Variants in WNT7B observed in about 807,000 individuals in gnomAD.
WNT7B encodes the protein Wnt family member 7B.
WNT7B carries 19 observed loss-of-function variants against 38.2 expected under a neutral mutation model. The ratio of observed to expected loss-of-function variants is 0.50; its 90% CI spans 0.35 to 0.73. The LOEUF is 0.73. WNT7B is among the 30% of genes least tolerant of loss of function. The probability of loss-of-function intolerance (pLI) is 0.01; values close to 1 mark genes in which losing one functional copy is unlikely to be tolerated. For synonymous variants in WNT7B, 243 were observed against 209.3 expected, an observed-to-expected ratio of 1.16 and a Z score of -1.39; for missense variants, 423 against 507.9, an observed-to-expected ratio of 0.83 and a Z score of 1.61.
intron 1 of WNT7B, among the ~76,000 whole-genome samples, chr22:45,969,074 A>G (rs984738166): frequency 3.3e-5 from 5 of 152,212 alleles, no homozygotes; most frequent in Non-Finnish European, 7.3e-5. Flanking sequence ...CCATGGGAGT[A>G]GGCCTGGTTC....
rs1285219330 is a variant in WNT7B at position 45,921,716 on chromosome 22, A to C, written c.*1140T>G. 9 of 151,592 alleles carry C rather than the reference A, an allele frequency of 5.9e-5. No homozygotes were observed. Among genetic ancestry groups the C allele is most frequent in the Non-Finnish European group, 1.0e-4 (7 of 67,870 alleles). 9.4% of individuals were successfully genotyped at this position (151,592 alleles called of 1,614,324 possible). On this transcript the variant is annotated 3_prime_UTR_variant, in exon 4 of 4. Coordinates refer to ENST00000339464, the MANE Select transcript of WNT7B (RefSeq NM_058238.3). Reference sequence around the variant, plus strand: ...GACAGGATGAGGGAGGGAACGAAGGACTCCTGGAACCTGACGTGGGTGATA... The same window carrying C: ...GACAGGATGAGGGAGGGAACGAAGGCCTCCTGGAACCTGACGTGGGTGATA...
intron 1 of WNT7B, among the ~76,000 whole-genome samples, chr22:45,960,893 C>A (rs1932181510): frequency 6.6e-6 from 1 of 152,204 alleles, no homozygotes; most frequent in Non-Finnish European, 1.5e-5. Flanking sequence ...AGCAGGGTTC[C>A]TTGGGGCTGA....
At chr22:45,950,780 C>G (rs561573515) in intron 1 of WNT7B, among the ~76,000 whole-genome samples, 37 of 152,236 alleles carry the variant, frequency 2.4e-4, no homozygotes, top group Non-Finnish European at 3.7e-4. Flanking sequence ...AAGGCTCAGA[C>G]GACCACAGGG....
chr22:45,946,321 A>C (rs925968535), intron 2 of WNT7B, among the ~76,000 whole-genome samples: 5 of 152,192 alleles, frequency 3.3e-5, no homozygotes, highest in African/African-American at 1.2e-4. Flanking sequence ...GCTCACCTCC[A>C]GTCTGGCCTG....
At chr22:45,935,825 G>A (rs1053572845) in intron 2 of WNT7B, 5 of 985,332 alleles carry the variant, frequency 5.1e-6, no homozygotes, top group Non-Finnish European at 6.0e-6. Flanking sequence ...CCATGGCAGT[G>A]ACGAAAGCCA....
Position 45,926,587 on chromosome 22 carries a change from G to T in WNT7B, c.571-3252C>A. ...CCTGGCGTCCGATATTCCGGCCACTGGGGCCGACAGAAGGCACCTCACCCT... is the reference window on the plus strand; with the variant it reads ...CCTGGCGTCCGATATTCCGGCCACTTGGGCCGACAGAAGGCACCTCACCCT... On this transcript the variant is annotated intron_variant, in intron 3 of 3. Coordinates refer to ENST00000339464, the MANE Select transcript of WNT7B (RefSeq NM_058238.3). The T allele has an allele frequency of 3.0e-6, 3 of 985,388 alleles. No individual in the cohort carries two copies. The South Asian group carries it at 1.4e-4, about 46-fold the overall frequency. 61.0% of individuals were successfully genotyped at this position (985,388 alleles called of 1,614,324 possible).
Position 45,965,007 on chromosome 22 carries a change from A to T in WNT7B, c.71+11677T>A, listed in dbSNP as rs1932281069. Among the ~76,000 whole-genome samples the T allele has an allele frequency of 6.6e-6, 1 of 151,828 alleles. No homozygotes were observed. The highest frequency in any genetic ancestry group is 1.5e-5 in the Non-Finnish European group (1 of 67,964). ...TCATTGCCCAGAAGGGTCTTTCTAA[A>T]GCTCTGCTGAAGCCACTCCTCCCTG... On this transcript the variant is annotated intron_variant, in intron 1 of 3. Transcript: ENST00000339464. The surrounding 1 kb of genome is among the most constrained non-coding windows in gnomAD (Gnocchi z 6.5).
intron 1 of WNT7B, among the ~76,000 whole-genome samples, chr22:45,953,820 C>A (rs143053271): frequency 9.1e-4 from 138 of 152,042 alleles, no homozygotes; most frequent in African/African-American, 3.2e-3. Flanking sequence ...ACGATAGGAG[C>A]GGACAATGGT....
chr22:45,969,366 G>A (rs532017784), intron 1 of WNT7B, among the ~76,000 whole-genome samples: 2 of 152,356 alleles, frequency 1.3e-5, no homozygotes, highest in South Asian at 2.1e-4. Context: ...GACTGAGAGC[G>A]GAAGAGACCT....
chr22:45,958,618 G>C (rs1385512895), intron 1 of WNT7B, among the ~76,000 whole-genome samples: 1 of 152,180 alleles, frequency 6.6e-6, no homozygotes, highest in Non-Finnish European at 1.5e-5. Context: ...TCTTCCCTCA[G>C]AACAGGAATC....
chr22:45,932,192 G>A (rs757966145), intron 2 of WNT7B, among the ~76,000 whole-genome samples: 5 of 152,158 alleles, frequency 3.3e-5, no homozygotes, highest in South Asian at 2.1e-4. Context: ...CCAAGCCCAC[G>A]GCTGAGCTGG....
intron 3 of WNT7B, among the ~76,000 whole-genome samples, chr22:45,929,398 TTCCATCCACCCGTGAATCCACTCA>T (rs142319189): frequency 0.018 from 2,542 of 143,974 alleles, 68 homozygotes; most frequent in African/African-American, 0.061. Context: ...CCATCCATCC[TTCCATCCACCCGTGAATCCACTCA>T]TCCATCCACC....
At chr22:45,962,775 C>T (rs1187104546) in intron 1 of WNT7B, among the ~76,000 whole-genome samples, 1 of 152,204 alleles carries the variant, frequency 6.6e-6, no homozygotes, top group Non-Finnish European at 1.5e-5. Context: ...TGGCCCTGGC[C>T]CTGATGCCAC....
At chr22:45,933,072 G>A (rs923009854) in intron 2 of WNT7B, among the ~76,000 whole-genome samples, 1 of 152,198 alleles carries the variant, frequency 6.6e-6, no homozygotes, top group Non-Finnish European at 1.5e-5. Context: ...TCAGCCAGGT[G>A]GGGGTCCCTC....
At chr22:45,963,840 G>C (rs184440340) in intron 1 of WNT7B, among the ~76,000 whole-genome samples, 4 of 152,156 alleles carry the variant, frequency 2.6e-5, no homozygotes, top group Non-Finnish European at 5.9e-5. Context: ...TCCAAAGCAG[G>C]GGACTCCCGC....
At chr22:45,973,181 G>A (rs1019134617) in intron 1 of WNT7B, among the ~76,000 whole-genome samples, 13 of 152,260 alleles carry the variant, frequency 8.5e-5, no homozygotes, top group African/African-American at 2.7e-4. Context: ...TCCTTTGAGC[G>A]GTTGGCGGGG....
chr22:45,929,243 T>C (rs1931205659), intron 3 of WNT7B, among the ~76,000 whole-genome samples: 1 of 152,170 alleles, frequency 6.6e-6, no homozygotes, highest in Admixed American at 6.5e-5. Flanking sequence ...ACTCTCAAGG[T>C]TCGTAGGCCT....
chr22:45,944,340 G>A (rs146148262), intron 2 of WNT7B, among the ~76,000 whole-genome samples: 1,823 of 152,284 alleles, frequency 0.012, 15 homozygotes, highest in Middle Eastern at 0.027. Context: ...CCCAGGAAGG[G>A]CCACAGCCCT....
Position 45,920,640 on chromosome 22 carries a change from G to A in WNT7B, c.*2216C>T, listed in dbSNP as rs1431533986. On this transcript the variant is annotated 3_prime_UTR_variant, in exon 4 of 4. Coordinates refer to ENST00000339464, the MANE Select transcript of WNT7B (RefSeq NM_058238.3). ...GAGGAGCCTGGTTCGGGAGATGGGG[G>A]ATGGGATGGGGGGTGGGTATGGGGA... is the stretch of plus-strand genomic sequence containing the variant. 7.4e-6 allele frequency: 1 copy of A among 135,610 alleles called. No homozygotes were observed. Among genetic ancestry groups the A allele is most frequent in the Non-Finnish European group, 1.6e-5 (1 of 63,084 alleles). 8.4% of individuals were successfully genotyped at this position (135,610 alleles called of 1,614,324 possible).
Sources: allele counts gnomAD v4.1 joint callset (sites outside exome capture counted in the v4.1 genomes callset), GRCh38; gene constraint gnomAD v4.1.1; non-coding constraint Gnocchi (gnomAD v3.1); transcripts MANE v1.5; gene names NCBI Gene and HGNC (gene_info 2026-07-23, HGNC 2026-07-21).